The following ANKRD24 variants were observed in gnomAD, a reference collection of about 807,000 sequenced individuals.
The protein encoded by ANKRD24 is ankyrin repeat domain 24.
A neutral mutation model predicts 127.8 loss-of-function variants in ANKRD24; 109 were observed. The ratio of observed to expected loss-of-function variants is 0.85; its 90% CI spans 0.73 to 1.00. ANKRD24 has a LOEUF of 1.00. Ranked by LOEUF, ANKRD24 falls within the 50% of genes least tolerant of loss-of-function variation. ANKRD24 has a pLI of 0.00. For missense variants in ANKRD24, 1,648 were observed against 1,570.2 expected (o/e 1.05, Z -0.84); for synonymous variants, 743 against 671.1 (o/e 1.11, Z -1.66).
rs760866449 is a variant in ANKRD24, at chr19:4,207,940, G to C, written c.804G>C (p.Glu268Asp). The C allele has an allele frequency of 6.5e-7, 1 of 1,533,170 alleles. No homozygotes were observed. The highest frequency in any genetic ancestry group is 1.3e-5 in the South Asian group (1 of 77,988). 95.0% of individuals were successfully genotyped at this position (1,533,170 alleles called of 1,614,324 possible). A position where few individuals can be genotyped will look rare whatever the true frequency, so the allele number is the denominator to read the frequency against. ...AACTCATCCTGCACCTTCTGCAAGA[G>C]GCGGCCCAGCGCCCCTCCCCACCCA... ...GDKLILHLLQ[E>D]AAQRPSPPSA... is the part of the protein sequence containing the mutation. The change falls in exon 10 of 22, where the codon GAG becomes GAC. Residue 268 changes from glutamate to aspartate, a missense_variant. Physicochemically the swap from Glu to Asp is conservative, Grantham distance 45 (BLOSUM62 2). Transcript: ENST00000318934.
chr19:4,210,527 C>T (rs964091048), intron 13 of ANKRD24, among the ~76,000 whole-genome samples, 155 bp downstream of exon 13: 6 of 152,050 alleles, frequency 3.9e-5, no homozygotes, highest in South Asian at 4.1e-4. Flanking sequence ...TCCTCCAACT[C>T]GCCAGGCGCA....
chr19:4,210,177 C>A, intron 12 of ANKRD24, 39 bp downstream of exon 12: 1 of 1,573,408 alleles, frequency 6.4e-7, no homozygotes, highest in Non-Finnish European at 8.6e-7. Flanking sequence ...GCATGGGGAG[C>A]CCCCAGGCAC....
In ANKRD24 at chr19:4,197,262, GAA is replaced by G. The variant is rs1968799237; in HGVS notation, c.37-2420_37-2419del. 2.0e-5 allele frequency among the ~76,000 whole-genome samples: 3 copies of G among 152,234 alleles called. No individual in the cohort carries two copies. The South Asian group carries it at 6.2e-4, about 32-fold the overall frequency. ...GGATTGCAGCTCCCCAGTGGCGAATGAATGAATGAATGAACGAATGACTGATT... is the reference window on the plus strand; with the variant it reads ...GGATTGCAGCTCCCCAGTGGCGAATGTGAATGAATGAACGAATGACTGATT... On this transcript the variant is annotated intron_variant, in intron 2 of 21. Coordinates refer to ENST00000318934, the MANE Select transcript of ANKRD24 (RefSeq NM_001393985.1).
chr19:4,195,634 A>G lies in ANKRD24; in HGVS notation c.37-4049A>G, dbSNP rs1968682637. Among the ~76,000 whole-genome samples, 1 of 152,096 alleles carries G rather than the reference A, an allele frequency of 6.6e-6. No homozygotes were observed. The highest frequency in any genetic ancestry group is 2.4e-5 in the African/African-American group (1 of 41,420). On this transcript the variant is annotated intron_variant, in intron 2 of 21. Transcript: ENST00000318934. This position sits in a 1 kb window ranked among gnomAD's most constrained non-coding sequence, Gnocchi z 4.2. Reference sequence around the variant, plus strand: ...CTAAGAGGGCCGGGCGCAGTGGCTCACGCCTGTAATCCCAACACTTTGAGA... The same window carrying G: ...CTAAGAGGGCCGGGCGCAGTGGCTCGCGCCTGTAATCCCAACACTTTGAGA...
At chr19:4,222,110 C>T (rs112335738) in intron 19 of ANKRD24, among the ~76,000 whole-genome samples, 9,036 of 152,252 alleles carry the variant, frequency 0.059, 568 homozygotes, top group African/African-American at 0.15. Context: ...AACTATTGGC[C>T]GGGCGCGGTG....
At chr19:4,211,480 A>T (rs80049923) in intron 13 of ANKRD24, among the ~76,000 whole-genome samples, 23,935 of 151,656 alleles carry the variant, frequency 0.16, 2,392 homozygotes, top group East Asian at 0.33. Flanking sequence ...CTCTACTAAA[A>T]ATACAAAAAA....
intron 19 of ANKRD24, 139 bp downstream of exon 19, chr19:4,219,897 A>C: frequency 1.9e-6 from 2 of 1,041,636 alleles, no homozygotes; most frequent in Non-Finnish European, 2.7e-6. Context: ...TCAGAAACGG[A>C]AGGGGACCTG....
rs559862928 is a variant in ANKRD24, at chr19:4,209,889, C to T, written c.871-169C>T. Among the ~76,000 whole-genome samples the T allele has an allele frequency of 1.4e-3, 210 of 150,782 alleles. 1 individual carries two copies. The highest frequency in any genetic ancestry group is 4.8e-3 in the African/African-American group (197 of 40,894). On this transcript the variant is annotated intron_variant, in intron 11 of 21. Transcript: ENST00000318934. The stretch of plus-strand genomic sequence containing the variant: ...GATCTGGAACTTACAGGGAGTTGGT[C>T]TTGTCTGCGCTTTGCTGGGATAAGT...
In ANKRD24 at chr19:4,222,913, G is replaced by A. The variant is rs1970519102; in HGVS notation, c.3297+118G>A. The A allele has an allele frequency of 2.5e-6, 3 of 1,213,576 alleles. No homozygotes were observed. The South Asian group carries it at 6.4e-5, about 26-fold the overall frequency. The allele number at this position is 1,213,576 out of a possible 1,614,324, so 75.2% of individuals were successfully genotyped here. On this transcript the variant is annotated intron_variant, in intron 20 of 21. Coordinates refer to ENST00000318934, the MANE Select transcript of ANKRD24 (RefSeq NM_001393985.1). ...AGAGGGGCTGGGGTAGGCAGGTGGGGTCCACATCACATGCACGGCATGGCC... is the reference window on the plus strand; with the variant it reads ...AGAGGGGCTGGGGTAGGCAGGTGGGATCCACATCACATGCACGGCATGGCC...
In ANKRD24 at chr19:4,224,182, A is replaced by G; in HGVS notation, c.3353A>G (p.Tyr1118Cys). The G allele has an allele frequency of 1.2e-6, 2 of 1,611,592 alleles. No homozygotes were observed. Among genetic ancestry groups the G allele is most frequent in the East Asian group, 2.2e-5 (1 of 44,828 alleles). Residue 1118 changes from tyrosine to cysteine, a missense_variant, in exon 21 of 22, where the codon TAT (tyrosine) becomes TGT (cysteine). Physicochemically the swap from Tyr to Cys is radical, Grantham distance 194 (BLOSUM62 -2). Coordinates refer to ENST00000318934, the MANE Select transcript of ANKRD24 (RefSeq NM_001393985.1). ...GCTTTGTACAGAAGCCACCTCCTAT[A>G]TGCCATTCAGGTGAGTGGCCCAGCT... The part of the protein sequence containing the change: ...VVALYRSHLL[Y>C]AIQGQMDEDV...
intron 2 of ANKRD24, among the ~76,000 whole-genome samples, chr19:4,193,195 A>C (rs1968479574): frequency 6.8e-6 from 1 of 147,160 alleles, no homozygotes. Flanking sequence ...CCAGCTACTC[A>C]GGAGTCTGAG....
chr19:4,191,607 G>T (rs943075431), intron 2 of ANKRD24, among the ~76,000 whole-genome samples: 1 of 151,404 alleles, frequency 6.6e-6, no homozygotes, highest in South Asian at 2.1e-4. Flanking sequence ...TCAGCCTCCC[G>T]TGTAGCTGGG....
At position 4,224,503 on chromosome 19, in the gene ANKRD24, TG is replaced by T; in HGVS notation, c.3440del (p.Ter1147=). On this transcript the variant is annotated frameshift_variant and stop_lost, in exon 22 of 22. Transcript: ENST00000318934. LOFTEE classifies it high-confidence loss of function. ...GCAGAGACTCCAGGCTCAGGGCCGC[TG>T]AGAAAGGCCAGGCCCAGTGGCTACA... ...QMQRLQAQGR* is the reference protein window; with the variant it reads ...QMQRLQAQGRX The T allele has an allele frequency of 6.2e-7, 1 of 1,607,368 alleles. No individual in the cohort carries two copies. Among genetic ancestry groups the T allele is most frequent in the Non-Finnish European group, 8.5e-7 (1 of 1,177,230 alleles).
intron 8 of ANKRD24, 73 bp downstream of exon 8, chr19:4,207,385 G>A (rs977236591): frequency 1.3e-6 from 2 of 1,579,896 alleles, no homozygotes; most frequent in Non-Finnish European, 8.7e-7. Flanking sequence ...AGTATCTCAG[G>A]CACCCTTTGA....
chr19:4,192,979 A>G, intron 2 of ANKRD24, among the ~76,000 whole-genome samples: 1 of 151,028 alleles, frequency 6.6e-6, no homozygotes, highest in East Asian at 2.0e-4. Flanking sequence ...TAAACAGAAT[A>G]TTTTTAAAAA....
At position 4,186,395 on chromosome 19, in the gene ANKRD24, C is replaced by T; in HGVS notation, c.-31C>T. Reference sequence around the variant, plus strand: ...CCCACCCTTGCCCTCCTCAGGTGGCCTGTGGAGAGGAGAAACACAGGGCAC... The same window carrying T: ...CCCACCCTTGCCCTCCTCAGGTGGCTTGTGGAGAGGAGAAACACAGGGCAC... On this transcript the variant is annotated 5_prime_UTR_variant, in exon 2 of 22. Coordinates refer to ENST00000318934, the MANE Select transcript of ANKRD24 (RefSeq NM_001393985.1). 1 of 1,576,360 alleles carries T rather than the reference C, an allele frequency of 6.3e-7. No individual in the cohort carries two copies.
At chr19:4,210,957 C>G (rs1441088966) in intron 13 of ANKRD24, among the ~76,000 whole-genome samples, 1 of 151,996 alleles carries the variant, frequency 6.6e-6, no homozygotes, top group Non-Finnish European at 1.5e-5. Context: ...CCTCAGTCTC[C>G]CAAGCAGCTG....
chr19:4,186,484 C>T, intron 2 of ANKRD24, 23 bp downstream of exon 2: 1 of 1,584,686 alleles, frequency 6.3e-7, no homozygotes, highest in Non-Finnish European at 8.6e-7. Context: ...CCCTAGATGC[C>T]CGATACACCC....
chr19:4,183,910 A>AAAAT (rs143396713), intron 1 of ANKRD24, among the ~76,000 whole-genome samples: 4,773 of 152,074 alleles, frequency 0.031, 256 homozygotes, highest in African/African-American at 0.11. Context: ...CTCCGTCTCA[A>AAAAT]AAATAAATAA....
Sources: gnomAD v4.1 joint callset for allele counts (sites outside exome capture counted in the v4.1 genomes callset) on GRCh38, gnomAD v4.1.1 for gene constraint, Gnocchi (gnomAD v3.1) non-coding constraint, MANE v1.5 for transcripts, NCBI Gene and HGNC (gene_info 2026-07-23, HGNC 2026-07-21) for gene names.